CPPED1: variants seen among roughly 807,000 people sequenced by gnomAD.
CPPED1 encodes the protein calcineurin like phosphoesterase domain containing 1.
CPPED1 carries 28 observed loss-of-function variants against 28.0 expected under a neutral mutation model. The ratio of observed to expected loss-of-function variants is 1.00; its 90% CI spans 0.74 to 1.37. CPPED1 has a LOEUF of 1.37. CPPED1 is among the 40% of genes most tolerant of loss of function. The pLI is 0.00. For synonymous variants in CPPED1, 198 were observed against 180.2 expected (o/e 1.10, Z -0.79); for missense variants, 504 against 416.5 (o/e 1.21, Z -1.83).
intron 3 of CPPED1, among the ~76,000 whole-genome samples, chr16:12,669,850 C>T (rs545609454): frequency 6.6e-6 from 1 of 152,206 alleles, no homozygotes; most frequent in African/African-American, 2.4e-5. Context: ...CTTGTGTTGC[C>T]AGAAAGGATA....
intron 2 of CPPED1, among the ~76,000 whole-genome samples, chr16:12,762,593 C>G (rs1213535723): frequency 6.6e-6 from 1 of 152,166 alleles, no homozygotes; most frequent in Non-Finnish European, 1.5e-5. Flanking sequence ...CAAGGCGCCG[C>G]ATACTGTATA....
intron 2 of CPPED1, among the ~76,000 whole-genome samples, chr16:12,731,571 T>C (rs1448013952): frequency 6.6e-6 from 1 of 151,724 alleles, no homozygotes; most frequent in Non-Finnish European, 1.5e-5. Flanking sequence ...ACAGGAGTGG[T>C]CTCTGGGGAA....
rs2079809655 is a variant in CPPED1 at position 12,663,765 on chromosome 16, G to A, written c.*1121C>T. 6.6e-6 allele frequency: 1 copy of A among 152,174 alleles called. No homozygotes were observed. 9.4% of individuals were successfully genotyped at this position (152,174 alleles called of 1,614,324 possible). ...TAATGCTGTATATTTTTCCTGCCAG[G>A]ATTTGGAGTACCTAGGTTATTTGTC... On this transcript the variant is annotated 3_prime_UTR_variant, in exon 4 of 4. Coordinates refer to ENST00000381774, the MANE Select transcript of CPPED1 (RefSeq NM_018340.3).
intron 2 of CPPED1, among the ~76,000 whole-genome samples, chr16:12,726,497 C>G (rs2080170898): frequency 6.6e-6 from 1 of 151,906 alleles, no homozygotes; most frequent in Admixed American, 6.6e-5. Flanking sequence ...CACATATCAC[C>G]ACACCCAGCT....
chr16:12,732,731 C>A (rs1346362596), intron 2 of CPPED1, among the ~76,000 whole-genome samples: 3 of 152,142 alleles, frequency 2.0e-5, no homozygotes, highest in Non-Finnish European at 4.4e-5. Context: ...GGCAAGGAGA[C>A]AAAGCCTTCA....
chr16:12,797,205 G>A (rs1335064952), intron 1 of CPPED1, among the ~76,000 whole-genome samples: 1 of 152,086 alleles, frequency 6.6e-6, no homozygotes, highest in Admixed American at 6.5e-5. Flanking sequence ...CCCTTGAGTT[G>A]TAAACTTAAA....
intron 2 of CPPED1, among the ~76,000 whole-genome samples, chr16:12,777,579 T>G (rs2080504845): frequency 6.6e-6 from 1 of 152,228 alleles, no homozygotes; most frequent in South Asian, 2.1e-4. Context: ...AAAAGATGCC[T>G]GCAAAACAAA....
At chr16:12,694,678 T>C (rs927278281) in intron 3 of CPPED1, among the ~76,000 whole-genome samples, 2 of 128,206 alleles carry the variant, frequency 1.6e-5, no homozygotes, top group African/African-American at 6.1e-5. Context: ...GTAAACTTCC[T>C]CTAGCTGATA....
chr16:12,773,267 T>C (rs1228105742), intron 2 of CPPED1, among the ~76,000 whole-genome samples: 1 of 152,164 alleles, frequency 6.6e-6, no homozygotes, highest in African/African-American at 2.4e-5. Flanking sequence ...CAGTGTTGTG[T>C]AAAAAGCAAA....
chr16:12,801,312 C>T (rs1299519969), intron 1 of CPPED1, among the ~76,000 whole-genome samples: 2 of 152,136 alleles, frequency 1.3e-5, no homozygotes, highest in Admixed American at 1.3e-4. Flanking sequence ...ATGCTGGTCT[C>T]GAACTCCTGA....
At chr16:12,711,977 C>A (rs2080082501) in intron 2 of CPPED1, among the ~76,000 whole-genome samples, 1 of 152,296 alleles carries the variant, frequency 6.6e-6, no homozygotes, top group South Asian at 2.1e-4. Context: ...AGATCTCCCT[C>A]CCATTTTCCT....
intron 3 of CPPED1, among the ~76,000 whole-genome samples, chr16:12,683,014 G>A (rs1213594971): frequency 4.6e-5 from 7 of 152,202 alleles, no homozygotes; most frequent in Admixed American, 1.3e-4. Context: ...AAAAATACTC[G>A]AGGGAGGTAG....
chr16:12,668,159 C>T (rs761669472), intron 3 of CPPED1, among the ~76,000 whole-genome samples: 3 of 152,202 alleles, frequency 2.0e-5, no homozygotes, highest in South Asian at 4.1e-4. Flanking sequence ...ATGTTTGGAA[C>T]ATAAAAACTA....
intron 1 of CPPED1, among the ~76,000 whole-genome samples, chr16:12,794,675 A>T (rs1308287906): frequency 6.6e-6 from 1 of 152,148 alleles, no homozygotes; most frequent in Non-Finnish European, 1.5e-5. Context: ...TTTGAGCATG[A>T]CCTTTGATCA....
intron 3 of CPPED1, among the ~76,000 whole-genome samples, chr16:12,676,034 C>A (rs1190640695): frequency 6.6e-6 from 1 of 152,182 alleles, no homozygotes; most frequent in Non-Finnish European, 1.5e-5. Flanking sequence ...CATGGTTAAG[C>A]CCCACCTGAC....
intron 3 of CPPED1, among the ~76,000 whole-genome samples, chr16:12,666,427 G>C (rs763423845): frequency 6.6e-6 from 1 of 152,238 alleles, no homozygotes; most frequent in Non-Finnish European, 1.5e-5. Context: ...AAGAAGGGCT[G>C]TTGTGGGTGC....
At chr16:12,785,936 G>GA (rs11441328) in intron 1 of CPPED1, among the ~76,000 whole-genome samples, 22,885 of 136,380 alleles carry the variant, frequency 0.17, 2,238 homozygotes, top group African/African-American at 0.3. Flanking sequence ...GTCATTACTG[G>GA]AAAAAAAAAA....
chr16:12,683,454 T>G (rs80075016), intron 3 of CPPED1, among the ~76,000 whole-genome samples: 6,114 of 152,204 alleles, frequency 0.04, 427 homozygotes, highest in African/African-American at 0.14. Flanking sequence ...CAACTCCACC[T>G]GCCAAAAATT....
At chr16:12,702,298 G>A (rs189491540) in intron 3 of CPPED1, among the ~76,000 whole-genome samples, 45 of 151,940 alleles carry the variant, frequency 3.0e-4, no homozygotes, top group Admixed American at 9.8e-4. Context: ...CTCTTCGGGG[G>A]GCCAAGGCAG....
Sources: allele counts gnomAD v4.1 joint callset (sites outside exome capture counted in the v4.1 genomes callset), GRCh38; gene constraint gnomAD v4.1.1; transcripts MANE v1.5; gene names NCBI Gene and HGNC (gene_info 2026-07-23, HGNC 2026-07-21).